Variants in NRXN3 observed in about 807,000 individuals in gnomAD.
NRXN3 encodes neurexin III.
In NRXN3, 32 loss-of-function variants were observed where a neutral mutation model predicts 137.6. The ratio of observed to expected loss-of-function variants is 0.23; its 90% CI spans 0.18 to 0.31. The LOEUF (loss-of-function observed/expected upper bound fraction) is 0.31. NRXN3 is among the 10% of genes least tolerant of loss of function. The probability of loss-of-function intolerance (pLI) is 1.00; values close to 1 mark genes in which losing one functional copy is unlikely to be tolerated. For synonymous variants in NRXN3, 798 were observed against 784.5 expected, an observed-to-expected ratio of 1.02 and a Z score of -0.29; for missense variants, 1,574 against 2,062.5, an observed-to-expected ratio of 0.76 and a Z score of 4.59.
intron 15 of NRXN3, among the ~76,000 whole-genome samples, chr14:79,131,476 C>T (rs2057464460): frequency 6.6e-6 from 1 of 152,154 alleles, no homozygotes; most frequent in South Asian, 2.1e-4. Flanking sequence ...GGGTGCCTCC[C>T]AGTTAGGCTG....
intron 4 of NRXN3, among the ~76,000 whole-genome samples, chr14:78,395,591 C>A (rs904215899): frequency 4.0e-5 from 6 of 151,604 alleles, no homozygotes; most frequent in African/African-American, 1.5e-4. Context: ...GTTGTCCTAT[C>A]GATTATTGAG....
intron 6 of NRXN3, among the ~76,000 whole-genome samples, chr14:78,672,320 G>A (rs1440932058): frequency 6.6e-6 from 1 of 152,138 alleles, no homozygotes; most frequent in Non-Finnish European, 1.5e-5. Context: ...GACAAGCAAA[G>A]GCATCAATAT....
intron 8 of NRXN3, among the ~76,000 whole-genome samples, chr14:78,721,032 A>G (rs2098457343): frequency 6.6e-6 from 1 of 152,246 alleles, no homozygotes. Context: ...GGGGATAGAG[A>G]CATAATCTGC....
At chr14:79,593,630 C>CAAAAAA (rs58254245) in intron 16 of NRXN3, among the ~76,000 whole-genome samples, 2,556 of 74,600 alleles carry the variant, frequency 0.034, 55 homozygotes, top group Non-Finnish European at 0.058. Context: ...GACTCCGTCT[C>CAAAAAA]AAAAAAAAAA....
Position 79,697,654 on chromosome 14 carries a change from C to G in NRXN3, c.3731C>G (p.Thr1244Ser). 1 of 1,612,564 alleles carries G rather than the reference C, an allele frequency of 6.2e-7. No homozygotes were observed. Among genetic ancestry groups the G allele is most frequent in the Non-Finnish European group, 8.5e-7 (1 of 1,178,988 alleles). ...GGCCGGCAGTTAACCATCTTCAACA[C>G]TCAGGCGCAAATAGCCATTGGTGGA... ...EKGRQLTIFN[T>S]QAQIAIGGKD... Residue 1244 changes from threonine (T) to serine (S), a missense_variant, in exon 19 of 21, where the codon ACT becomes AGT. Physicochemically the swap from Thr to Ser is moderately conservative, Grantham distance 58. Coordinates refer to ENST00000335750, the MANE Select transcript of NRXN3 (RefSeq NM_001330195.2).
At chr14:78,857,554 G>A (rs573163824) in intron 10 of NRXN3, among the ~76,000 whole-genome samples, 13 of 152,270 alleles carry the variant, frequency 8.5e-5, no homozygotes, top group Admixed American at 7.8e-4. Flanking sequence ...GTGTGTGCGT[G>A]TAATTTATAT....
At chr14:79,000,174 T>C (rs1219415205) in intron 15 of NRXN3, among the ~76,000 whole-genome samples, 3 of 152,068 alleles carry the variant, frequency 2.0e-5, no homozygotes, top group Non-Finnish European at 4.4e-5. Context: ...AACTACATGC[T>C]CTTTGAAATC....
In NRXN3 at chr14:78,354,034, C is replaced by T. The variant is rs561683244; in HGVS notation, c.757+56174C>T. Among the ~76,000 whole-genome samples, 6 of 152,288 alleles carry T rather than the reference C, an allele frequency of 3.9e-5. No homozygotes were observed. In the South Asian group the frequency reaches 1.2e-3, roughly 32 times the overall value. On this transcript the variant is annotated intron_variant, in intron 4 of 20. Coordinates refer to ENST00000335750, the MANE Select transcript of NRXN3 (RefSeq NM_001330195.2). ...TAGCTTCATTTCTGATTGATATTTA[C>T]TTGTCATTGACTGTTCACACTGTAG...
chr14:79,020,309 A>G (rs2099587413), intron 15 of NRXN3, among the ~76,000 whole-genome samples: 1 of 145,554 alleles, frequency 6.9e-6, no homozygotes, highest in African/African-American at 2.6e-5. Context: ...CTTGTTGCCT[A>G]GGCTGGAGTG....
intron 19 of NRXN3, among the ~76,000 whole-genome samples, chr14:79,702,846 T>G (rs2098760107): frequency 6.7e-6 from 1 of 149,200 alleles, no homozygotes; most frequent in African/African-American, 2.5e-5. Flanking sequence ...ACACTCAAAT[T>G]CGTTGGTCTT....
intron 10 of NRXN3, among the ~76,000 whole-genome samples, chr14:78,893,495 C>A (rs1171713602): frequency 6.6e-6 from 1 of 151,862 alleles, no homozygotes; most frequent in South Asian, 2.1e-4. Context: ...AATGTTCAAA[C>A]TGGGGAGGGA....
rs10483927 is a variant in NRXN3 at position 79,611,266 on chromosome 14, A to G, written c.3445-52512A>G. 0.016 allele frequency among the ~76,000 whole-genome samples: 2,365 copies of G among 152,312 alleles called. 196 individuals are homozygous for G. In the East Asian group the frequency reaches 0.27, roughly 17 times the overall value. On this transcript the variant is annotated intron_variant, in intron 16 of 20. Coordinates refer to ENST00000335750, the MANE Select transcript of NRXN3 (RefSeq NM_001330195.2). The stretch of plus-strand genomic sequence containing the variant: ...GTTAAGTGAGAAAGGTAAGGTAAAA[A>G]TGGTTTATGACCTATAACTGTGTGA...
At chr14:78,208,339 C>G (rs1377904121) in intron 1 of NRXN3, among the ~76,000 whole-genome samples, 1 of 152,162 alleles carries the variant, frequency 6.6e-6, no homozygotes, top group Admixed American at 6.5e-5. Flanking sequence ...TCCTCCTGCC[C>G]TTGACACTGT....
chr14:79,230,020 T>C (rs2153275705), intron 15 of NRXN3, among the ~76,000 whole-genome samples: 1 of 152,168 alleles, frequency 6.6e-6, no homozygotes, highest in African/African-American at 2.4e-5. Context: ...AAAAGGCTGA[T>C]TACATACCCA....
intron 15 of NRXN3, among the ~76,000 whole-genome samples, chr14:79,303,975 C>T (rs1024508904): frequency 6.6e-6 from 1 of 152,006 alleles, no homozygotes; most frequent in Non-Finnish European, 1.5e-5. Flanking sequence ...ACAATGGCAC[C>T]TTTTAACATT....
At chr14:78,946,883 T>TG (rs1182173072) in intron 10 of NRXN3, among the ~76,000 whole-genome samples, 1 of 152,176 alleles carries the variant, frequency 6.6e-6, no homozygotes, top group African/African-American at 2.4e-5. Context: ...GAAATACACT[T>TG]GATTTATTTT....
intron 8 of NRXN3, among the ~76,000 whole-genome samples, chr14:78,762,669 A>G (rs1324626380): frequency 6.6e-6 from 1 of 152,214 alleles, no homozygotes; most frequent in African/African-American, 2.4e-5. Context: ...CTGTTTCCTC[A>G]GTTGAATAAT....
intron 10 of NRXN3, among the ~76,000 whole-genome samples, chr14:78,879,697 C>T (rs1021900660): frequency 4.6e-5 from 7 of 152,182 alleles, no homozygotes; most frequent in Non-Finnish European, 1.0e-4. Flanking sequence ...TGTCCTAATT[C>T]CTCACCCTTT....
intron 15 of NRXN3, among the ~76,000 whole-genome samples, chr14:79,195,723 AAC>A (rs1195784790): frequency 6.6e-6 from 1 of 152,180 alleles, no homozygotes; most frequent in Non-Finnish European, 1.5e-5. Context: ...GACCCATGAA[AAC>A]AGAAGTGATT....
Sources: allele counts gnomAD v4.1 joint callset (sites outside exome capture counted in the v4.1 genomes callset), GRCh38; gene constraint gnomAD v4.1.1; transcripts MANE v1.5; gene names NCBI Gene and HGNC (gene_info 2026-07-23, HGNC 2026-07-21).